Variants in CDH18 observed in about 807,000 individuals in gnomAD.
The protein encoded by CDH18 is cadherin-18.
In CDH18, 31 loss-of-function variants were observed where a neutral mutation model predicts 67.9. The ratio of observed to expected loss-of-function variants is 0.46; its 90% CI spans 0.34 to 0.62. The LOEUF is 0.62. Among genes scored for constraint, CDH18 ranks in the 20% least tolerant of loss-of-function variants. The probability of loss-of-function intolerance (pLI) is 0.01; values close to 1 mark genes in which losing one functional copy is unlikely to be tolerated. For missense variants in CDH18, 890 were observed against 975.5 expected (o/e 0.91, Z 1.17); for synonymous variants, 362 against 347.2 (o/e 1.04, Z -0.48).
At position 19,755,462 on chromosome 5, in the gene CDH18, C is replaced by CACATATATAT. The variant is rs1554024419; in HGVS notation, c.229-8227_229-8226insATATATATGT. Among the ~76,000 whole-genome samples the CACATATATAT allele has an allele frequency of 7.0e-3, 558 of 79,232 alleles. 12 individuals carry two copies. Among genetic ancestry groups the CACATATATAT allele is most frequent in the African/African-American group, 0.02 (491 of 24,682 alleles). The allele number at this position is 79,232 out of a possible 152,430, so 52.0% of individuals were successfully genotyped here. A position where few individuals can be genotyped will look rare whatever the true frequency, so the allele number is the denominator to read the frequency against. ...ATATATATATATATATATATATACA[C>CACATATATAT]ACACACACACACATACATAGATATA... On this transcript the variant is annotated intron_variant, in intron 3 of 12. Transcript: ENST00000382275.
chr5:20,296,138 T>G (rs563341909), intron 1 of CDH18, among the ~76,000 whole-genome samples: 11 of 151,800 alleles, frequency 7.2e-5, no homozygotes, highest in Admixed American at 5.2e-4. Flanking sequence ...CCTCCCAAAG[T>G]GCTGGGATTG....
At chr5:19,895,987 A>T (rs752812706) in intron 2 of CDH18, among the ~76,000 whole-genome samples, 1 of 150,906 alleles carries the variant, frequency 6.6e-6, no homozygotes, top group Non-Finnish European at 1.5e-5. Context: ...CCATGCTTCA[A>T]TCTCTGCAAC....
chr5:19,538,921 A>G (rs1213982584), intron 9 of CDH18, among the ~76,000 whole-genome samples: 2 of 152,202 alleles, frequency 1.3e-5, no homozygotes, highest in African/African-American at 4.8e-5. Flanking sequence ...GTACATTAAG[A>G]AGATTTTTAA....
chr5:20,300,871 A>G lies in CDH18; in HGVS notation c.-579-45366T>C, dbSNP rs188803882. ...ATAGCATTTTCCCTATCTCACCTGT[A>G]TAGCCACAGAAAGAATTAACTGTCC... On this transcript the variant is annotated intron_variant, in intron 1 of 14. Transcript: ENST00000507958. 2.0e-5 allele frequency among the ~76,000 whole-genome samples: 3 copies of G among 152,366 alleles called. No individual in the cohort carries two copies. The East Asian group carries it at 5.8e-4, about 29-fold the overall frequency.
chr5:19,510,944 T>C (rs924024099), intron 10 of CDH18, among the ~76,000 whole-genome samples: 1 of 152,080 alleles, frequency 6.6e-6, no homozygotes, highest in Non-Finnish European at 1.5e-5. Context: ...CCCGAGTAGC[T>C]GGGATTACAA....
At chr5:19,719,878 GAGAA>G (rs909030483) in intron 5 of CDH18, among the ~76,000 whole-genome samples, 81 of 141,880 alleles carry the variant, frequency 5.7e-4, no homozygotes, top group Admixed American at 4.3e-4. Context: ...AAGAGAGAGA[GAGAA>G]AGAAAGAAAG....
intron 2 of CDH18, among the ~76,000 whole-genome samples, chr5:20,143,351 ATTAT>A (rs546620026): frequency 2.0e-5 from 3 of 151,942 alleles, no homozygotes; most frequent in African/African-American, 2.4e-5. Flanking sequence ...AGATGAGAAC[ATTAT>A]TTATTTATTT....
chr5:20,179,133 T>C (rs1243666705), intron 2 of CDH18, among the ~76,000 whole-genome samples: 1 of 152,150 alleles, frequency 6.6e-6, no homozygotes, highest in African/African-American at 2.4e-5. Context: ...GAATTTTTAA[T>C]TATAGTAAAG....
Position 19,571,762 on chromosome 5 carries a change from C to T in CDH18, c.1070G>A (p.Arg357His), listed in dbSNP as rs148450624. The change falls in exon 8 of 13, where the codon CGC becomes CAC. Residue 357 changes from arginine to histidine, a missense_variant. Transcript: ENST00000382275. ...TTTAAAAGGACCCAAGTGAGAAAAG[C>T]GAAAATCAAGATGTGTATTTGCTCC... ...IEGANTHLDF[R>H]FSHLGPFKDA... 9.4e-5 allele frequency: 151 copies of T among 1,613,460 alleles called. No homozygotes were observed. Among genetic ancestry groups the T allele is most frequent in the Non-Finnish European group, 1.2e-4 (141 of 1,179,772 alleles).
rs1276842471 is a variant in CDH18, at chr5:20,285,678, T to G, written c.-579-30173A>C. Reference sequence around the variant, plus strand: ...GGAGGCCAGTTGCTTGTAAATCACATGTAACATAATCAATTGAAATGCAAG... The same window carrying G: ...GGAGGCCAGTTGCTTGTAAATCACAGGTAACATAATCAATTGAAATGCAAG... On this transcript the variant is annotated intron_variant, in intron 1 of 14. Coordinates refer to the CDH18 transcript ENST00000507958. Among the ~76,000 whole-genome samples the G allele has an allele frequency of 2.0e-5, 3 of 151,448 alleles. No homozygotes were observed. In the East Asian group the frequency reaches 5.8e-4, roughly 29 times the overall value.
intron 2 of CDH18, among the ~76,000 whole-genome samples, chr5:19,915,042 A>C (rs1561550997): frequency 6.6e-6 from 1 of 152,140 alleles, no homozygotes; most frequent in Non-Finnish European, 1.5e-5. Context: ...ATTTGTGCTT[A>C]ACACTCTTTT....
chr5:20,503,359 G>A (rs1003392875), intron 1 of CDH18, among the ~76,000 whole-genome samples: 1 of 151,666 alleles, frequency 6.6e-6, no homozygotes, highest in Non-Finnish European at 1.5e-5. Context: ...AGTTGGATAA[G>A]TTAAAGTGAA....
chr5:19,959,417 TAC>T (rs1453898220), intron 2 of CDH18, among the ~76,000 whole-genome samples: 1 of 152,106 alleles, frequency 6.6e-6, no homozygotes. Context: ...AGTTTTCAAA[TAC>T]ATTTTATAAA....
At chr5:19,921,078 G>C (rs1792388081) in intron 2 of CDH18, among the ~76,000 whole-genome samples, 1 of 151,806 alleles carries the variant, frequency 6.6e-6, no homozygotes, top group African/African-American at 2.4e-5. Context: ...AATAAATTCT[G>C]GAAAGACCAA....
intron 2 of CDH18, among the ~76,000 whole-genome samples, chr5:20,172,232 A>ATACGTATATATATATATACGTG (rs1554098800): frequency 8.2e-6 from 1 of 122,688 alleles, no homozygotes; most frequent in Non-Finnish European, 1.7e-5. Flanking sequence ...ATGTATATAT[A>ATACGTATATATATATATACGTG]TATATATGTA....
At chr5:20,079,639 C>T (rs1192619004) in intron 2 of CDH18, among the ~76,000 whole-genome samples, 2 of 152,088 alleles carry the variant, frequency 1.3e-5, no homozygotes, top group Non-Finnish European at 2.9e-5. Context: ...TCATACGGTA[C>T]TAATTTACAA....
chr5:20,160,640 G>A (rs75224406), intron 2 of CDH18, among the ~76,000 whole-genome samples: 10,963 of 152,180 alleles, frequency 0.072, 467 homozygotes, highest in Non-Finnish European at 0.098. Flanking sequence ...TCCATGGACT[G>A]TATGATAGAA....
At chr5:20,212,446 T>G (rs1740427376) in intron 2 of CDH18, among the ~76,000 whole-genome samples, 1 of 151,934 alleles carries the variant, frequency 6.6e-6, no homozygotes, top group Non-Finnish European at 1.5e-5. Flanking sequence ...AAGATACTCC[T>G]CGAGAAGAGC....
intron 2 of CDH18, among the ~76,000 whole-genome samples, chr5:20,143,727 T>C (rs1458161643): frequency 3.3e-5 from 5 of 152,064 alleles, no homozygotes; most frequent in African/African-American, 1.2e-4. Context: ...TTGCTGCTTG[T>C]AGTGAAATGT....
Sources: allele counts gnomAD v4.1 joint callset (sites outside exome capture counted in the v4.1 genomes callset), GRCh38; gene constraint gnomAD v4.1.1; transcripts MANE v1.5; gene names NCBI Gene and HGNC (gene_info 2026-07-23, HGNC 2026-07-21).